The following PTPN22 variants were observed in gnomAD, a reference collection of about 807,000 sequenced individuals.
PTPN22 encodes the protein protein tyrosine phosphatase non-receptor type 22, also known as tyrosine-protein phosphatase non-receptor type 22.
Under a neutral mutation model 103.3 loss-of-function variants are expected in PTPN22, and 85 were observed. That is an observed-to-expected ratio of 0.82 (90% confidence interval 0.69 to 0.99). The LOEUF (loss-of-function observed/expected upper bound fraction) is 0.99, where lower values mean the gene tolerates loss of function less well. PTPN22 is among the 50% of genes least tolerant of loss of function. PTPN22 has a pLI of 0.00. For synonymous variants in PTPN22, 323 were observed against 310.2 expected (o/e 1.04, Z -0.43); for missense variants, 865 against 936.9 (o/e 0.92, Z 1.00).
chr1:113,868,237 G>A (rs1011986231), intron 1 of PTPN22, among the ~76,000 whole-genome samples: 1 of 152,148 alleles, frequency 6.6e-6, no homozygotes, highest in Non-Finnish European at 1.5e-5. Context: ...CATGGACCTG[G>A]GGAGAGGGTA....
At chr1:113,820,980 A>G in intron 19 of PTPN22, among the ~76,000 whole-genome samples, 1 of 150,528 alleles carries the variant, frequency 6.6e-6, no homozygotes, top group South Asian at 2.1e-4. Flanking sequence ...AAGTATAATT[A>G]TTATACTTAA....
intron 10 of PTPN22, 79 bp downstream of exon 10, chr1:113,851,948 C>A (rs894892335): frequency 1.7e-4 from 180 of 1,048,362 alleles, no homozygotes; most frequent in Admixed American, 3.5e-4. Context: ...GAGCAGTCAG[C>A]TGTTTTTGGA....
exon 18 of PTPN22, chr1:113,829,595 A>C (rs750744679): frequency 6.4e-7 from 1 of 1,570,640 alleles, no homozygotes; most frequent in South Asian, 1.1e-5. Flanking sequence ...TCTTTACCTT[A>C]CTCCTTGTGA....
chr1:113,841,230 A>G (rs1170220234), intron 11 of PTPN22, among the ~76,000 whole-genome samples: 4 of 148,018 alleles, frequency 2.7e-5, no homozygotes, highest in Middle Eastern at 3.5e-3. Context: ...ATCTCAAAGG[A>G]AAAAAAAAAA....
intron 18 of PTPN22, among the ~76,000 whole-genome samples, chr1:113,828,148 A>G (rs550070552): frequency 3.6e-4 from 55 of 151,794 alleles, no homozygotes; most frequent in Admixed American, 7.9e-4. Context: ...TAGAGTAATA[A>G]CCCCTTTGGC....
At chr1:113,818,762 T>C (rs1379915017) in intron 20 of PTPN22, among the ~76,000 whole-genome samples, 1 of 152,252 alleles carries the variant, frequency 6.6e-6, no homozygotes, top group East Asian at 1.9e-4. Flanking sequence ...TGATATGATC[T>C]GGCCATTTCC....
chr1:113,858,930 A>G (rs1665322315), intron 3 of PTPN22, 72 bp downstream of exon 3: 3 of 1,549,254 alleles, frequency 1.9e-6, no homozygotes, highest in Non-Finnish European at 2.6e-6. Flanking sequence ...TGAGCCACTG[A>G]GTCCAGCCAG....
chr1:113,861,118 A>C (rs1452186253), intron 1 of PTPN22, among the ~76,000 whole-genome samples: 2 of 152,242 alleles, frequency 1.3e-5, no homozygotes, highest in East Asian at 3.8e-4. Context: ...ATCACACAGG[A>C]AATGCCTACA....
chr1:113,859,626 G>C, intron 1 of PTPN22, among the ~76,000 whole-genome samples, 166 bp from the exon 2 acceptor site: 1 of 152,210 alleles, frequency 6.6e-6, no homozygotes, highest in East Asian at 1.9e-4. Flanking sequence ...AAGGAGACCT[G>C]AGTTCAGTGA....
At chr1:113,834,825 T>C (rs1228241928) in intron 14 of PTPN22, 85 bp downstream of exon 14, 2 of 1,116,382 alleles carry the variant, frequency 1.8e-6, no homozygotes, top group Non-Finnish European at 2.6e-6. Context: ...GGCTCACACA[T>C]CAGCTTCCCA....
chr1:113,858,177 CT>C (rs1271185931), intron 4 of PTPN22, among the ~76,000 whole-genome samples: 1 of 152,132 alleles, frequency 6.6e-6, no homozygotes, highest in Admixed American at 6.5e-5. Flanking sequence ...CCCATATCAG[CT>C]TCCCCAGTAG....
Position 113,814,977 on chromosome 1 carries a change from CA to C in PTPN22, c.2360-9del, listed in dbSNP as rs750923492. 4.4e-6 allele frequency: 7 copies of C among 1,594,948 alleles called. No individual in the cohort carries two copies. In the East Asian group the frequency reaches 9.0e-5, roughly 21 times the overall value. On this transcript the variant is annotated splice_polypyrimidine_tract_variant and intron_variant, in intron 20 of 20. Coordinates refer to ENST00000359785, the Ensembl canonical transcript of PTPN22. ...AAAAACGGTTTGCAAAACCTGGGAA[CA>C]AAAATAAAGTTGAATGAAAAGAAAG...
chr1:113,843,812 T>C (rs1045736733), intron 11 of PTPN22, among the ~76,000 whole-genome samples: 1 of 152,238 alleles, frequency 6.6e-6, no homozygotes, highest in Non-Finnish European at 1.5e-5. Context: ...AGTGAAACTA[T>C]GTGGGCCTGA....
rs1204919001 is a variant in PTPN22 at position 113,838,250 on chromosome 1, T to A, written c.1150A>T (p.Asn384Tyr). Residue 384 changes from asparagine to tyrosine, a missense_variant, in exon 13 of 21, where the codon AAT becomes TAT. Physicochemically the swap from Asn to Tyr is moderately radical, Grantham distance 143. Coordinates refer to ENST00000359785, the Ensembl canonical transcript of PTPN22. ...TCAGCATTTTTGTCAAAACTGTAAT[T>A]TAGCTCCAGAAAGTCAAAAGAAGTG... 3.1e-6 allele frequency: 5 copies of A among 1,614,000 alleles called. No individual in the cohort carries two copies. The South Asian group carries it at 5.5e-5, about 18-fold the overall frequency.
At chr1:113,862,244 C>G (rs1665677978) in intron 1 of PTPN22, among the ~76,000 whole-genome samples, 1 of 152,090 alleles carries the variant, frequency 6.6e-6, no homozygotes, top group Admixed American at 6.5e-5. Flanking sequence ...GATCACACCA[C>G]TGCACTCCAG....
intron 1 of PTPN22, among the ~76,000 whole-genome samples, chr1:113,863,751 C>A (rs1196706161): frequency 6.6e-6 from 1 of 151,952 alleles, no homozygotes; most frequent in East Asian, 1.9e-4. Context: ...GTAGCCAGAT[C>A]TTTGATATGT....
chr1:113,858,144 A>G (rs1004530586), intron 4 of PTPN22: 1 of 203,440 alleles, frequency 4.9e-6, no homozygotes, highest in African/African-American at 2.3e-5. Context: ...TGCAGTCTCA[A>G]CCTCATGGGC....
exon 20 of PTPN22, chr1:113,819,651 A>G: frequency 6.3e-7 from 1 of 1,592,076 alleles, no homozygotes; most frequent in East Asian, 2.2e-5. Context: ...AGAATTACAG[A>G]TACCTAGAAT....
chr1:113,837,924 A>C, exon 13 of PTPN22: 1 of 1,614,152 alleles, frequency 6.2e-7, no homozygotes, highest in Non-Finnish European at 8.5e-7. Context: ...CTGCTGAAGA[A>C]ACATGCATTA....
Sources: allele counts gnomAD v4.1 joint callset (sites outside exome capture counted in the v4.1 genomes callset), GRCh38; gene constraint gnomAD v4.1.1; transcripts MANE v1.5; gene names NCBI Gene and HGNC (gene_info 2026-07-23, HGNC 2026-07-21).